The following EPS8 variants were observed in gnomAD, a reference collection of about 807,000 sequenced individuals.
EPS8 encodes epidermal growth factor receptor kinase substrate 8.
A neutral mutation model predicts 103.8 loss-of-function variants in EPS8; 42 were observed. That is an observed-to-expected ratio of 0.40 (90% confidence interval 0.32 to 0.52). The LOEUF (loss-of-function observed/expected upper bound fraction) is 0.52. Ranked by LOEUF, EPS8 falls within the 20% of genes least tolerant of loss-of-function variation. The probability of loss-of-function intolerance (pLI) is 0.40; values close to 1 mark genes in which losing one functional copy is unlikely to be tolerated. For synonymous variants in EPS8, 344 were observed against 344.6 expected, an observed-to-expected ratio of 1.00 and a Z score of 0.02; for missense variants, 969 against 1,005.1, an observed-to-expected ratio of 0.96 and a Z score of 0.49.
At chr12:15,665,105 C>T (rs1945684695) in intron 8 of EPS8, 1 of 152,040 alleles carries the variant, frequency 6.6e-6, no homozygotes, top group Non-Finnish European at 1.5e-5. Context: ...CAAAAAGGGA[C>T]TCTAGTTAGA....
At position 15,727,844 on chromosome 12, in the gene EPS8, C is replaced by T. The variant is rs1012473671; in HGVS notation, c.-21-44872G>A. Among the ~76,000 whole-genome samples, 58 of 152,160 alleles carry T rather than the reference C, an allele frequency of 3.8e-4. 1 individual carries two copies. The highest frequency in any genetic ancestry group is 3.1e-3 in the Admixed American group (48 of 15,282). Reference sequence around the variant, plus strand: ...CTGCACTCCAGCCTGGGCGACAGAGCGAGACTCCATCCCCAAAAAAAATAA... The same window carrying T: ...CTGCACTCCAGCCTGGGCGACAGAGTGAGACTCCATCCCCAAAAAAAATAA... On this transcript the variant is annotated intron_variant, in intron 1 of 20. Coordinates refer to ENST00000281172, the MANE Select transcript of EPS8 (RefSeq NM_004447.6). The surrounding 1 kb of genome is among the most constrained non-coding windows in gnomAD (Gnocchi z 4.3).
intron 1 of EPS8, among the ~76,000 whole-genome samples, chr12:15,768,307 G>A (rs1402870481): frequency 6.6e-6 from 1 of 150,950 alleles, no homozygotes; most frequent in Non-Finnish European, 1.5e-5. Flanking sequence ...GCGTGGTGGC[G>A]GGCACCTGTA....
At chr12:15,676,935 T>C (rs1390860544) in intron 3 of EPS8, among the ~76,000 whole-genome samples, 1 of 152,164 alleles carries the variant, frequency 6.6e-6, no homozygotes, top group East Asian at 1.9e-4. Context: ...AATAAGCAAA[T>C]TTATTGTCAT....
rs564267379 is a variant in EPS8, at chr12:15,703,029, G to C, written c.-21-20057C>G. On this transcript the variant is annotated intron_variant, in intron 1 of 20. Transcript: ENST00000281172. Reference sequence around the variant, plus strand: ...CTGGGTGCAGTGGCGTGTGCCTGTAGTCCCAGCTACTCGGGAGGCTGAGCC... The same window carrying C: ...CTGGGTGCAGTGGCGTGTGCCTGTACTCCCAGCTACTCGGGAGGCTGAGCC... Among the ~76,000 whole-genome samples the C allele has an allele frequency of 2.0e-5, 3 of 152,222 alleles. No homozygotes were observed. In the East Asian group the frequency reaches 5.8e-4, roughly 29 times the overall value.
intron 1 of EPS8, among the ~76,000 whole-genome samples, chr12:15,783,583 T>A (rs1947281263): frequency 6.6e-6 from 1 of 152,180 alleles, no homozygotes; most frequent in African/African-American, 2.4e-5. Flanking sequence ...ACATACACCC[T>A]GCAAATCCTT....
At chr12:15,782,652 T>C (rs986751150) in intron 1 of EPS8, among the ~76,000 whole-genome samples, 1 of 152,162 alleles carries the variant, frequency 6.6e-6, no homozygotes, top group Non-Finnish European at 1.5e-5. Flanking sequence ...GTAGTAACCA[T>C]AAAATTTATT....
chr12:15,717,817 G>C lies in EPS8; in HGVS notation c.-21-34845C>G, dbSNP rs191635518. 1.2e-4 allele frequency among the ~76,000 whole-genome samples: 19 copies of C among 152,242 alleles called. No homozygotes were observed. Among genetic ancestry groups the C allele is most frequent in the African/African-American group, 4.1e-4 (17 of 41,540 alleles). On this transcript the variant is annotated intron_variant, in intron 1 of 20. Transcript: ENST00000281172. This position sits in a 1 kb window ranked among gnomAD's most constrained non-coding sequence, Gnocchi z 4.3. The stretch of plus-strand genomic sequence containing the variant: ...AACAGGGAATATAAATGAACAAAAT[G>C]GTAGTTTTGCCTTAAATTGGCAATG...
Position 15,724,999 on chromosome 12 carries a change from T to C in EPS8, c.-21-42027A>G, listed in dbSNP as rs553552606. Among the ~76,000 whole-genome samples the C allele has an allele frequency of 2.0e-5, 3 of 152,288 alleles. No individual in the cohort carries two copies. The South Asian group carries it at 6.2e-4, about 32-fold the overall frequency. ...AAAATAATAAGTCTTCAGTTCACTT[T>C]GTCATTTTGAATTATGTCACAATGA... is the stretch of plus-strand genomic sequence containing the variant. On this transcript the variant is annotated intron_variant, in intron 1 of 20. Transcript: ENST00000281172.
rs1416776922 is a variant in EPS8 at position 15,747,725 on chromosome 12, T to G, written c.-22+41436A>C. ...TATAAAACAGGACAAATACTCCAAT[T>G]TAAGAAAAAAAATAGCCAGGCGCAG... On this transcript the variant is annotated intron_variant, in intron 1 of 20. Transcript: ENST00000281172. This position sits in a 1 kb window ranked among gnomAD's most constrained non-coding sequence, Gnocchi z 4.4. 6.6e-6 allele frequency among the ~76,000 whole-genome samples: 1 copy of G among 151,872 alleles called. No homozygotes were observed. Among genetic ancestry groups the G allele is most frequent in the Non-Finnish European group, 1.5e-5 (1 of 67,972 alleles).
intron 14 of EPS8, among the ~76,000 whole-genome samples, chr12:15,648,538 A>T (rs1050958332): frequency 6.6e-6 from 1 of 152,218 alleles, no homozygotes; most frequent in Non-Finnish European, 1.5e-5. Flanking sequence ...TCAGCCATTT[A>T]AATTAAAAAA....
At chr12:15,774,022 C>T (rs1029966828) in intron 1 of EPS8, among the ~76,000 whole-genome samples, 1 of 151,844 alleles carries the variant, frequency 6.6e-6, no homozygotes, top group Admixed American at 6.6e-5. Flanking sequence ...CAAATGTCAC[C>T]AGAAGTGTAC....
chr12:15,634,793 A>G, intron 17 of EPS8: 1 of 398,814 alleles, frequency 2.5e-6, no homozygotes, highest in Non-Finnish European at 4.4e-6. Flanking sequence ...ATCACATCAA[A>G]TGAGAAAATT....
In EPS8 at chr12:15,768,429, C is replaced by CAAA. The variant is rs71042268; in HGVS notation, c.-22+20729_-22+20731dup. Among the ~76,000 whole-genome samples, 31 of 24,824 alleles carry CAAA rather than the reference C, an allele frequency of 1.2e-3. 1 individual carries two copies. Among genetic ancestry groups the CAAA allele is most frequent in the East Asian group, 2.7e-3 (3 of 1,124 alleles). 16.3% of individuals were successfully genotyped at this position (24,824 alleles called of 152,430 possible). A position where few individuals can be genotyped will look rare whatever the true frequency, so the allele number is the denominator to read the frequency against. ...CTCTAGCCTGCAAGAGACTCCATCTCAAAAAAAAAAAAAAAAAAAAAAAAA... is the reference window on the plus strand; with the variant it reads ...CTCTAGCCTGCAAGAGACTCCATCTCAAAAAAAAAAAAAAAAAAAAAAAAAAAA... On this transcript the variant is annotated intron_variant, in intron 1 of 20. Transcript: ENST00000281172.
intron 1 of EPS8, among the ~76,000 whole-genome samples, chr12:15,756,512 C>T (rs1383477097): frequency 2.0e-5 from 3 of 152,022 alleles, no homozygotes; most frequent in Admixed American, 1.3e-4. Flanking sequence ...TATATAGTTA[C>T]CTTTGATCCA....
rs748290327 is a variant in EPS8 at position 15,757,486 on chromosome 12, T to C, written c.-22+31675A>G. ...TCTACTAAAAAATACAAAAATTAGC[T>C]AGGCGTGGTGGCGCATGCCTGTAAT... On this transcript the variant is annotated intron_variant, in intron 1 of 20. Transcript: ENST00000281172. The surrounding 1 kb of genome is among the most constrained non-coding windows in gnomAD (Gnocchi z 4.1). Among the ~76,000 whole-genome samples the C allele has an allele frequency of 3.4e-4, 52 of 152,052 alleles. No individual in the cohort carries two copies. The highest frequency in any genetic ancestry group is 2.1e-3 in the Admixed American group (32 of 15,268).
chr12:15,666,309 T>G, intron 7 of EPS8, 131 bp downstream of exon 7: 4 of 658,752 alleles, frequency 6.1e-6, no homozygotes, highest in Non-Finnish European at 1.0e-5. Context: ...AACAAATGTG[T>G]TGAGACTACA....
intron 1 of EPS8, among the ~76,000 whole-genome samples, chr12:15,742,241 G>A (rs1946832500): frequency 6.6e-6 from 1 of 152,150 alleles, no homozygotes; most frequent in South Asian, 2.1e-4. Context: ...TAATGGGATG[G>A]CTGGGTCAAA....
chr12:15,742,966 CA>C (rs1285862644), intron 1 of EPS8, among the ~76,000 whole-genome samples: 7 of 152,200 alleles, frequency 4.6e-5, no homozygotes, highest in African/African-American at 1.7e-4. Context: ...AACAGGAAGT[CA>C]AATTGTCCCT....
intron 1 of EPS8, among the ~76,000 whole-genome samples, chr12:15,740,161 A>C (rs1481465263): frequency 6.6e-6 from 1 of 152,228 alleles, no homozygotes; most frequent in East Asian, 1.9e-4. Flanking sequence ...ATCTTATTGC[A>C]TAAAGGACCA....
Sources: allele counts gnomAD v4.1 joint callset (sites outside exome capture counted in the v4.1 genomes callset), GRCh38; gene constraint gnomAD v4.1.1; non-coding constraint Gnocchi (gnomAD v3.1); transcripts MANE v1.5; gene names NCBI Gene and HGNC (gene_info 2026-07-23, HGNC 2026-07-21).